Variants in LRP1B observed in about 807,000 individuals in gnomAD.
LRP1B encodes low-density lipoprotein receptor-related protein 1B.
Under a neutral mutation model 556.6 loss-of-function variants are expected in LRP1B, and 217 were observed. The observed-to-expected ratio is 0.39, with a 90% confidence interval of 0.35 to 0.44. LRP1B has a LOEUF of 0.44. Among genes scored for constraint, LRP1B ranks in the 20% least tolerant of loss-of-function variants. The probability of loss-of-function intolerance (pLI) is 1.00; values close to 1 mark genes in which losing one functional copy is unlikely to be tolerated. For missense variants in LRP1B, 5,053 were observed against 5,620.8 expected, an observed-to-expected ratio of 0.90 and a Z score of 3.23; for synonymous variants, 2,047 against 1,865.8, an observed-to-expected ratio of 1.10 and a Z score of -2.50.
rs1245021414 is a variant in LRP1B, at chr2:140,364,688, T to C, written c.11104A>G (p.Asn3702Asp). The C allele has an allele frequency of 6.2e-7, 1 of 1,610,098 alleles. No homozygotes were observed. Among genetic ancestry groups the C allele is most frequent in the East Asian group, 2.2e-5 (1 of 44,710 alleles). The change falls in exon 72 of 91, where the codon AAC becomes GAC. Residue 3702 changes from asparagine to aspartate, a missense_variant. Asn to Asp is a conservative substitution (Grantham distance 23). This residue lies in a region of LRP1B where 599 missense variants were observed against 648.4 expected (regional missense o/e 0.92). Coordinates refer to ENST00000389484, the MANE Select transcript of LRP1B (RefSeq NM_018557.3). The part of the protein sequence containing the change: ...VCDGEDDCGD[N>D]SDEAPDMCVK... ...CACATATCAGGGGCTTCATCAGAGT[T>C]GTCTCCACAGTCGTCCTCTCCATCA...
intron 82 of LRP1B, among the ~76,000 whole-genome samples, chr2:140,316,380 C>A (rs1032009897): frequency 1.3e-5 from 2 of 152,078 alleles, no homozygotes; most frequent in Admixed American, 6.6e-5. Context: ...ACCTCAGTGG[C>A]TTCAAATGAC....
At chr2:141,180,755 T>C (rs1472398771) in intron 7 of LRP1B, among the ~76,000 whole-genome samples, 1 of 151,918 alleles carries the variant, frequency 6.6e-6, no homozygotes, top group Non-Finnish European at 1.5e-5. Flanking sequence ...TGAAAAGAGA[T>C]AAGAAAAATA....
chr2:141,849,061 G>T (rs1412998024), intron 1 of LRP1B, among the ~76,000 whole-genome samples: 1 of 151,552 alleles, frequency 6.6e-6, no homozygotes, highest in Non-Finnish European at 1.5e-5. Flanking sequence ...TTTAATGCAA[G>T]CTAATACAAA....
chr2:140,663,142 C>A (rs1685155577), intron 41 of LRP1B, among the ~76,000 whole-genome samples: 2 of 152,100 alleles, frequency 1.3e-5, no homozygotes, highest in South Asian at 4.1e-4. Flanking sequence ...AACTTATCAA[C>A]CAACAGAGAA....
At chr2:141,330,002 T>TAA (rs36022608) in intron 3 of LRP1B, among the ~76,000 whole-genome samples, 5 of 150,212 alleles carry the variant, frequency 3.3e-5, no homozygotes, top group African/African-American at 9.8e-5. Flanking sequence ...CTATTATAGA[T>TAA]AAAAAAAAAA....
chr2:141,698,322 A>T (rs1162099869), intron 2 of LRP1B, among the ~76,000 whole-genome samples: 1 of 151,828 alleles, frequency 6.6e-6, no homozygotes, highest in African/African-American at 2.4e-5. Flanking sequence ...TATACAGAGG[A>T]TAACAATAAA....
At chr2:141,357,831 G>T (rs1688681311) in intron 3 of LRP1B, among the ~76,000 whole-genome samples, 2 of 152,074 alleles carry the variant, frequency 1.3e-5, no homozygotes, top group South Asian at 4.1e-4. Flanking sequence ...TTAATTAGTA[G>T]AAAATATTTT....
chr2:140,407,005 TAGAAC>T (rs1444252459), intron 66 of LRP1B, among the ~76,000 whole-genome samples: 1 of 152,048 alleles, frequency 6.6e-6, no homozygotes. Flanking sequence ...CGTAGGCCAG[TAGAAC>T]AGAACAAAGA....
At chr2:140,566,113 G>A (rs1318999097) in intron 43 of LRP1B, among the ~76,000 whole-genome samples, 4 of 152,092 alleles carry the variant, frequency 2.6e-5, no homozygotes, top group African/African-American at 9.7e-5. Context: ...AGTGGCCATG[G>A]CACTCTTTTA....
At chr2:140,728,415 A>C (rs1172002082) in intron 35 of LRP1B, among the ~76,000 whole-genome samples, 1 of 152,108 alleles carries the variant, frequency 6.6e-6, no homozygotes, top group East Asian at 1.9e-4. Context: ...TCCAAGGAGA[A>C]ATTTTTTTAT....
intron 31 of LRP1B, among the ~76,000 whole-genome samples, chr2:140,835,686 C>T (rs971138511): frequency 3.3e-5 from 5 of 151,818 alleles, no homozygotes; most frequent in South Asian, 4.2e-4. Context: ...TACAGGCGCT[C>T]GCCACCACGT....
intron 41 of LRP1B, among the ~76,000 whole-genome samples, chr2:140,615,655 T>C (rs1683228593): frequency 6.6e-6 from 1 of 152,080 alleles, no homozygotes; most frequent in Admixed American, 6.6e-5. Context: ...GTGTTTCTCT[T>C]AGCTATTAGA....
At chr2:140,426,713 G>C (rs1488968823) in intron 66 of LRP1B, among the ~76,000 whole-genome samples, 1 of 152,078 alleles carries the variant, frequency 6.6e-6, no homozygotes, top group Non-Finnish European at 1.5e-5. Context: ...ACTCTTTTCG[G>C]ACTCAGCCCG....
chr2:140,941,152 A>G (rs989201932), intron 20 of LRP1B, among the ~76,000 whole-genome samples: 2 of 152,188 alleles, frequency 1.3e-5, no homozygotes, highest in Non-Finnish European at 2.9e-5. Flanking sequence ...GGTATAAATT[A>G]ATCTAGGAGA....
chr2:140,302,233 G>A (rs868430958), intron 83 of LRP1B, among the ~76,000 whole-genome samples: 13 of 152,050 alleles, frequency 8.5e-5, no homozygotes, highest in African/African-American at 3.1e-4. Context: ...TTATCTTTCT[G>A]TCTAAATGCC....
In LRP1B at chr2:140,510,073, T is replaced by A. The variant is rs747165068; in HGVS notation, c.8270-17A>T. ...TTATGGCACCTGAAACACAAAAACA[T>A]AATGCCATTAAGATTACTCTGTGTC... On this transcript the variant is annotated splice_polypyrimidine_tract_variant and intron_variant, in intron 51 of 90. Transcript: ENST00000389484. 6.2e-7 allele frequency: 1 copy of A among 1,612,022 alleles called. No homozygotes were observed. Among genetic ancestry groups the A allele is most frequent in the Non-Finnish European group, 8.5e-7 (1 of 1,179,298 alleles).
At chr2:141,851,023 GGAGT>G (rs1269174635) in intron 1 of LRP1B, among the ~76,000 whole-genome samples, 5 of 151,686 alleles carry the variant, frequency 3.3e-5, no homozygotes, top group African/African-American at 1.2e-4. Context: ...CCCTTCACAA[GGAGT>G]GAGAGGTTAG....
intron 7 of LRP1B, among the ~76,000 whole-genome samples, chr2:141,176,296 C>T (rs930196714): frequency 6.6e-6 from 1 of 152,016 alleles, no homozygotes; most frequent in South Asian, 2.1e-4. Context: ...TGTGTCCCCA[C>T]CCAAATCTCA....
At chr2:140,929,226 G>A (rs1457637491) in intron 20 of LRP1B, among the ~76,000 whole-genome samples, 1 of 152,122 alleles carries the variant, frequency 6.6e-6, no homozygotes, top group African/African-American at 2.4e-5. Context: ...AGTAGGCTAT[G>A]TAGGCAGTTA....
Sources: gnomAD v4.1 joint callset for allele counts (sites outside exome capture counted in the v4.1 genomes callset) on GRCh38, gnomAD v4.1.1 for gene constraint, gnomAD v4.1.1 regional missense constraint, MANE v1.5 for transcripts, NCBI Gene and HGNC (gene_info 2026-07-23, HGNC 2026-07-21) for gene names.